The following PRKG1 variants were observed in gnomAD, a reference collection of about 807,000 sequenced individuals.
The protein encoded by PRKG1 is cGMP-dependent protein kinase 1.
A neutral mutation model predicts 88.1 loss-of-function variants in PRKG1; 35 were observed. That is an observed-to-expected ratio of 0.40 (90% CI 0.30 to 0.53). The LOEUF (loss-of-function observed/expected upper bound fraction) is 0.53, where lower values mean the gene tolerates loss of function less well. Among genes scored for constraint, PRKG1 ranks in the 20% least tolerant of loss-of-function variants. PRKG1 has a pLI of 0.59. For missense variants in PRKG1, 540 were observed against 839.8 expected (o/e 0.64, Z 4.41); for synonymous variants, 303 against 292.5 (o/e 1.04, Z -0.37).
At chr10:52,182,861 G>C (rs1839078920) in intron 9 of PRKG1, among the ~76,000 whole-genome samples, 1 of 152,098 alleles carries the variant, frequency 6.6e-6, no homozygotes, top group Admixed American at 6.5e-5. Context: ...TTTGAAGTCA[G>C]GTAGTGTGAT....
At chr10:51,264,606 T>A (rs1247789385) in intron 2 of PRKG1, among the ~76,000 whole-genome samples, 5 of 152,182 alleles carry the variant, frequency 3.3e-5, no homozygotes, top group Admixed American at 3.3e-4. Flanking sequence ...TCTCTGGAAA[T>A]CTTTGGTAAG....
chr10:51,833,074 T>C (rs766557392), intron 4 of PRKG1, among the ~76,000 whole-genome samples: 1 of 152,120 alleles, frequency 6.6e-6, no homozygotes, highest in African/African-American at 2.4e-5. Flanking sequence ...GTTGTGATTG[T>C]CTCCTTAAAG....
intron 1 of PRKG1, among the ~76,000 whole-genome samples, chr10:51,115,080 C>A (rs1347637183): frequency 2.0e-5 from 3 of 151,800 alleles, no homozygotes; most frequent in African/African-American, 7.3e-5. Context: ...TTTTGGGAGG[C>A]TGAGGCGGGC....
At chr10:51,588,952 G>A (rs1838240020) in intron 3 of PRKG1, among the ~76,000 whole-genome samples, 1 of 151,960 alleles carries the variant, frequency 6.6e-6, no homozygotes. Context: ...GTTTTAGATA[G>A]ATACCAAATA....
intron 3 of PRKG1, among the ~76,000 whole-genome samples, chr10:51,671,536 T>C (rs1355471435): frequency 1.3e-5 from 2 of 152,160 alleles, no homozygotes. Context: ...CACACTGTTG[T>C]CTGCCTTCTG....
chr10:51,541,571 A>G (rs1487870461), intron 3 of PRKG1, among the ~76,000 whole-genome samples: 1 of 152,266 alleles, frequency 6.6e-6, no homozygotes, highest in Non-Finnish European at 1.5e-5. Flanking sequence ...GAAAAGCAAT[A>G]AAGAAAATGG....
intron 3 of PRKG1, among the ~76,000 whole-genome samples, chr10:51,569,434 G>A (rs1450412072): frequency 6.6e-6 from 1 of 152,004 alleles, no homozygotes; most frequent in Non-Finnish European, 1.5e-5. Flanking sequence ...GACAGGTTAG[G>A]TGATCTGCTT....
At chr10:52,208,538 G>C (rs151235916) in intron 9 of PRKG1, among the ~76,000 whole-genome samples, 4 of 152,118 alleles carry the variant, frequency 2.6e-5, no homozygotes, top group Middle Eastern at 3.2e-3. Context: ...CTTTAAATCA[G>C]CATTACCAAA....
At chr10:51,340,431 T>C (rs1841979358) in intron 2 of PRKG1, among the ~76,000 whole-genome samples, 1 of 152,192 alleles carries the variant, frequency 6.6e-6, no homozygotes, top group Non-Finnish European at 1.5e-5. Context: ...TATGTTAAGA[T>C]TGTATTTTTA....
chr10:51,698,496 T>C (rs757426073), intron 3 of PRKG1: 1 of 1,614,124 alleles, frequency 6.2e-7, no homozygotes, highest in Non-Finnish European at 8.5e-7. Context: ...AGATAACCTC[T>C]GGGCTCCACT....
chr10:51,432,559 A>G (rs1323309660), intron 2 of PRKG1, among the ~76,000 whole-genome samples: 1 of 152,202 alleles, frequency 6.6e-6, no homozygotes, highest in African/African-American at 2.4e-5. Flanking sequence ...TGAATTTCAA[A>G]GAATACTGCC....
chr10:51,209,355 C>T (rs891853096), intron 2 of PRKG1, among the ~76,000 whole-genome samples: 1 of 152,082 alleles, frequency 6.6e-6, no homozygotes, highest in South Asian at 2.1e-4. Context: ...ATGGGACTGC[C>T]CAGGCTTGAA....
intron 5 of PRKG1, among the ~76,000 whole-genome samples, chr10:52,016,147 C>T (rs1426062412): frequency 6.6e-6 from 1 of 152,186 alleles, no homozygotes; most frequent in African/African-American, 2.4e-5. Flanking sequence ...TACCAATTTT[C>T]TGTATTATTC....
At chr10:51,185,056 A>T (rs1462088743) in intron 2 of PRKG1, among the ~76,000 whole-genome samples, 1 of 152,222 alleles carries the variant, frequency 6.6e-6, no homozygotes, top group Admixed American at 6.5e-5. Context: ...GACATCTCAC[A>T]TCATCAAGTG....
At chr10:52,078,083 G>A (rs1356812011) in intron 7 of PRKG1, among the ~76,000 whole-genome samples, 1 of 152,194 alleles carries the variant, frequency 6.6e-6, no homozygotes, top group Non-Finnish European at 1.5e-5. Context: ...GGGGAAACAT[G>A]TTGCTTTGAA....
intron 1 of PRKG1, among the ~76,000 whole-genome samples, chr10:51,078,558 T>G (rs1336867795): frequency 6.6e-6 from 1 of 150,654 alleles, no homozygotes; most frequent in Admixed American, 6.6e-5. Context: ...TGCGAAGTAC[T>G]TTGGAGGAGT....
At chr10:51,663,723 A>AC (rs1289113372) in intron 3 of PRKG1, among the ~76,000 whole-genome samples, 8 of 148,158 alleles carry the variant, frequency 5.4e-5, no homozygotes, top group South Asian at 4.2e-4. Flanking sequence ...AAAAAAAAAA[A>AC]ACACACCTGA....
At chr10:51,981,401 A>G (rs1451681379) in intron 5 of PRKG1, among the ~76,000 whole-genome samples, 2 of 152,130 alleles carry the variant, frequency 1.3e-5, no homozygotes, top group Admixed American at 6.5e-5. Flanking sequence ...GCTGGCCAAC[A>G]TGGTGAAAGC....
intron 3 of PRKG1, among the ~76,000 whole-genome samples, chr10:51,556,734 G>A (rs890132649): frequency 6.6e-6 from 1 of 152,006 alleles, no homozygotes; most frequent in African/African-American, 2.4e-5. Context: ...GAGGAAGGCA[G>A]GAGGGGGATC....
Sources: allele counts gnomAD v4.1 joint callset (sites outside exome capture counted in the v4.1 genomes callset), GRCh38; gene constraint gnomAD v4.1.1; transcripts MANE v1.5; gene names NCBI Gene and HGNC (gene_info 2026-07-23, HGNC 2026-07-21).